The following CAMTA1 variants were observed in gnomAD, a reference collection of about 807,000 sequenced individuals.
CAMTA1 encodes the protein calmodulin binding transcription activator 1, also known as calmodulin-binding transcription activator 1.
A neutral mutation model predicts 170.9 loss-of-function variants in CAMTA1; 27 were observed. That is an observed-to-expected ratio of 0.16 (90% CI 0.12 to 0.22). CAMTA1 has a LOEUF of 0.22. Ranked by LOEUF, CAMTA1 falls within the 10% of genes least tolerant of loss-of-function variation. The pLI is 1.00. For synonymous variants in CAMTA1, 833 were observed against 891.5 expected, an observed-to-expected ratio of 0.93 and a Z score of 1.17; for missense variants, 1,619 against 2,217.2, an observed-to-expected ratio of 0.73 and a Z score of 5.42.
intron 10 of CAMTA1, among the ~76,000 whole-genome samples, chr1:7,672,975 C>T (rs986913597): frequency 3.9e-5 from 6 of 152,172 alleles, no homozygotes; most frequent in African/African-American, 1.2e-4. Context: ...GCAGCCAGGC[C>T]GGGTCTGCCT....
rs202030150 is a variant in CAMTA1 at position 7,175,220 on chromosome 1, C to CA, written c.303-74269dup. 3.2e-3 allele frequency among the ~76,000 whole-genome samples: 493 copies of CA among 152,064 alleles called. 5 individuals carry two copies. The highest frequency in any genetic ancestry group is 0.011 in the African/African-American group (465 of 41,474). On this transcript the variant is annotated intron_variant, in intron 4 of 22. Coordinates refer to ENST00000303635, the MANE Select transcript of CAMTA1 (RefSeq NM_015215.4). ...GTCCCAGTGGACACTCTGGGAAGGA[C>CA]AATAGACAGGGTCGTTGACATCTGG...
rs962921780 is a variant in CAMTA1 at position 7,745,078 on chromosome 1, G to A, written c.4370+56G>A. The A allele has an allele frequency of 3.9e-5, 58 of 1,478,622 alleles. No homozygotes were observed. In the Middle Eastern group the frequency reaches 1.0e-3, roughly 26 times the overall value. 91.6% of individuals were successfully genotyped at this position (1,478,622 alleles called of 1,614,324 possible). ...CATAGATTCCCGGATGTAATTGGAG[G>A]CAGGGGAGGCTGATTGTATTTGATG... On this transcript the variant is annotated intron_variant, in intron 17 of 22. Transcript: ENST00000303635.
chr1:7,269,167 G>A (rs1669335159), intron 5 of CAMTA1, among the ~76,000 whole-genome samples: 2 of 152,234 alleles, frequency 1.3e-5, no homozygotes, highest in African/African-American at 2.4e-5. Flanking sequence ...AAATCAAGGT[G>A]TGAGCCAGGG....
chr1:7,551,710 C>T (rs1262457018), intron 6 of CAMTA1, among the ~76,000 whole-genome samples: 1 of 152,210 alleles, frequency 6.6e-6, no homozygotes, highest in African/African-American at 2.4e-5. Flanking sequence ...GAGCCTGTCC[C>T]TGGTGTCCAG....
chr1:7,191,023 AT>A (rs979843127), intron 4 of CAMTA1, among the ~76,000 whole-genome samples: 2 of 152,078 alleles, frequency 1.3e-5, no homozygotes, highest in Non-Finnish European at 2.9e-5. Context: ...TGATTTATTT[AT>A]TTTTTTACAT....
At chr1:6,849,972 T>G (rs1570900398) in intron 3 of CAMTA1, among the ~76,000 whole-genome samples, 1 of 148,438 alleles carries the variant, frequency 6.7e-6, no homozygotes, top group Non-Finnish European at 1.5e-5. Context: ...GAGGTGGAGG[T>G]TGCAATGAGC....
rs576531775 is a variant in CAMTA1, at chr1:7,393,340, A to C, written c.439-74490A>C. On this transcript the variant is annotated intron_variant, in intron 5 of 22. Transcript: ENST00000303635. ...AGTGCAGTGGTGTGACCACCAGCTC[A>C]CTGCAGCCTTGACCTCCTGGGCTCA... Among the ~76,000 whole-genome samples, 38 of 152,220 alleles carry C rather than the reference A, an allele frequency of 2.5e-4. No homozygotes were observed. In the East Asian group the frequency reaches 7.2e-3, roughly 29 times the overall value.
rs897836673 is a variant in CAMTA1, at chr1:7,676,026, C to T, written c.2780-1573C>T. Among the ~76,000 whole-genome samples, 163 of 152,366 alleles carry T rather than the reference C, an allele frequency of 1.1e-3. 2 individuals are homozygous for T. The highest frequency in any genetic ancestry group is 8.7e-3 in the Admixed American group (133 of 15,304). Reference sequence around the variant, plus strand: ...TCCCCCCCGACCCCAAGCTGGGACACATTGTCCCAGAGAAGCCGTGAGTTC... The same window carrying T: ...TCCCCCCCGACCCCAAGCTGGGACATATTGTCCCAGAGAAGCCGTGAGTTC... On this transcript the variant is annotated intron_variant, in intron 10 of 22. Coordinates refer to ENST00000303635, the MANE Select transcript of CAMTA1 (RefSeq NM_015215.4).
At chr1:7,235,788 T>C (rs995273169) in intron 4 of CAMTA1, among the ~76,000 whole-genome samples, 4 of 152,294 alleles carry the variant, frequency 2.6e-5, no homozygotes, top group African/African-American at 9.6e-5. Flanking sequence ...ATCTATCTAG[T>C]CGTTTGTTCT....
rs1691297078 is a variant in CAMTA1 at position 6,965,155 on chromosome 1, A to C, written c.235-126149A>C. On this transcript the variant is annotated intron_variant, in intron 3 of 22. Coordinates refer to ENST00000303635, the MANE Select transcript of CAMTA1 (RefSeq NM_015215.4). The surrounding 1 kb of genome is among the most constrained non-coding windows in gnomAD (Gnocchi z 4.1). ...CTGGTGAGATGTATTAATATGTGAA[A>C]GCCACTTCGGGAAAAGTAGTGAGTG... is the stretch of plus-strand genomic sequence containing the variant. Among the ~76,000 whole-genome samples the C allele has an allele frequency of 6.6e-6, 1 of 152,108 alleles. No individual in the cohort carries two copies. The highest frequency in any genetic ancestry group is 1.5e-5 in the Non-Finnish European group (1 of 68,020).
rs1575950083 is a variant in CAMTA1, at chr1:7,547,549, A to G, written c.510+79648A>G. On this transcript the variant is annotated intron_variant, in intron 6 of 22. Transcript: ENST00000303635. The surrounding 1 kb of genome is among the most constrained non-coding windows in gnomAD (Gnocchi z 5.7). ...TAAGAAATATTTACATAGCATTTAC[A>G]TTGTTACTAGGTATTATAAGTAATC... Among the ~76,000 whole-genome samples the G allele has an allele frequency of 6.6e-6, 1 of 152,172 alleles. No homozygotes were observed. Among genetic ancestry groups the G allele is most frequent in the African/African-American group, 2.4e-5 (1 of 41,444 alleles).
intron 4 of CAMTA1, among the ~76,000 whole-genome samples, chr1:7,187,145 G>A (rs1224873695): frequency 6.6e-6 from 1 of 152,116 alleles, no homozygotes; most frequent in African/African-American, 2.4e-5. Flanking sequence ...CAGGGTGGGT[G>A]CGGGGGCATT....
rs117277811 is a variant in CAMTA1 at position 7,454,590 on chromosome 1, G to A, written c.439-13240G>A. On this transcript the variant is annotated intron_variant, in intron 5 of 22. Coordinates refer to ENST00000303635, the MANE Select transcript of CAMTA1 (RefSeq NM_015215.4). ...TTCCACCAGGCACCCCAGGCCCAAG[G>A]CCAGGCACCCCGACCTCCATCCAGG... Among the ~76,000 whole-genome samples, 634 of 152,246 alleles carry A rather than the reference G, an allele frequency of 4.2e-3. 15 individuals are homozygous for A. In the East Asian group the frequency reaches 0.08, roughly 19 times the overall value.
At chr1:7,115,470 G>T (rs1644278224) in intron 4 of CAMTA1, among the ~76,000 whole-genome samples, 1 of 76,184 alleles carries the variant, frequency 1.3e-5, no homozygotes, top group Non-Finnish European at 2.4e-5. Context: ...GCTGATGGTG[G>T]TGTTCCAGTG....
At chr1:6,981,685 C>T (rs1694464172) in intron 3 of CAMTA1, among the ~76,000 whole-genome samples, 1 of 152,212 alleles carries the variant, frequency 6.6e-6, no homozygotes, top group Non-Finnish European at 1.5e-5. Context: ...ATCCTCCTAC[C>T]TCAGCTTCCC....
rs1050708867 is a variant in CAMTA1 at position 7,093,261 on chromosome 1, T to C, written c.302+1890T>C. ...GTGCAGGGGGCCTGAACATGTGTTA[T>C]TTCTAACAAGCTCCCAGGCAGTAGG... On this transcript the variant is annotated intron_variant, in intron 4 of 22. Transcript: ENST00000303635. This position sits in a 1 kb window ranked among gnomAD's most constrained non-coding sequence, Gnocchi z 4.6. Among the ~76,000 whole-genome samples the C allele has an allele frequency of 1.3e-5, 2 of 152,142 alleles. No individual in the cohort carries two copies. Among genetic ancestry groups the C allele is most frequent in the African/African-American group, 4.8e-5 (2 of 41,428 alleles).
chr1:7,670,692 G>A (rs562687455), intron 9 of CAMTA1, among the ~76,000 whole-genome samples: 22 of 152,332 alleles, frequency 1.4e-4, no homozygotes, highest in African/African-American at 4.8e-4. Context: ...CTGAGGGGCT[G>A]GGGAAGGAGC....
chr1:6,816,011 A>G (rs185891198), intron 1 of CAMTA1, among the ~76,000 whole-genome samples: 187 of 152,234 alleles, frequency 1.2e-3, no homozygotes, highest in African/African-American at 4.4e-3. Flanking sequence ...ACATCTTGGG[A>G]TCACTTGGGG....
chr1:6,952,831 C>T (rs1452069498), intron 3 of CAMTA1, among the ~76,000 whole-genome samples: 1 of 152,078 alleles, frequency 6.6e-6, no homozygotes, highest in African/African-American at 2.4e-5. Flanking sequence ...AAGACTCCAT[C>T]TCAAAAAATA....
Sources: gnomAD v4.1 joint callset for allele counts (sites outside exome capture counted in the v4.1 genomes callset) on GRCh38, gnomAD v4.1.1 for gene constraint, Gnocchi (gnomAD v3.1) non-coding constraint, MANE v1.5 for transcripts, NCBI Gene and HGNC (gene_info 2026-07-23, HGNC 2026-07-21) for gene names.